Variants in NMU observed in about 807,000 individuals in gnomAD.
The protein encoded by NMU is neuromedin-U.
NMU carries 29 observed loss-of-function variants against 35.4 expected under a neutral mutation model. The ratio of observed to expected loss-of-function variants is 0.82; its 90% CI spans 0.61 to 1.12. The LOEUF is 1.12. NMU is among the 50% of genes most tolerant of loss of function. NMU has a pLI of 0.00. For missense variants in NMU, 199 were observed against 206.2 expected (o/e 0.97, Z 0.21); for synonymous variants, 78 against 81.3 (o/e 0.96, Z 0.22).
At chr4:55,635,752 C>T (rs1356758760) in intron 1 of NMU, among the ~76,000 whole-genome samples, 2 of 152,250 alleles carry the variant, frequency 1.3e-5, no homozygotes, top group East Asian at 3.8e-4. Context: ...TACCCGTTTC[C>T]ACGGGCCGGG....
chr4:55,613,082 T>C (rs745342445), intron 3 of NMU, among the ~76,000 whole-genome samples: 1 of 152,070 alleles, frequency 6.6e-6, no homozygotes, highest in Non-Finnish European at 1.5e-5. Context: ...ACGTTCTCAC[T>C]TATAAGTAGG....
chr4:55,612,656 T>C (rs1733981048), intron 3 of NMU, among the ~76,000 whole-genome samples: 1 of 152,130 alleles, frequency 6.6e-6, no homozygotes, highest in South Asian at 2.1e-4. Flanking sequence ...TAGAAAACAG[T>C]TTCTAAGCTG....
chr4:55,614,769 A>G (rs1213210002), intron 3 of NMU, among the ~76,000 whole-genome samples: 1 of 152,194 alleles, frequency 6.6e-6, no homozygotes, highest in Non-Finnish European at 1.5e-5. Context: ...AAAGAACTAG[A>G]AGTGATTTTG....
At chr4:55,595,922 G>A (rs1283480477) in intron 9 of NMU, among the ~76,000 whole-genome samples, 1 of 151,958 alleles carries the variant, frequency 6.6e-6, no homozygotes. Context: ...TTACAGGGGT[G>A]AGTCACCGTA....
At position 55,605,338 on chromosome 4, in the gene NMU, C is replaced by A; in HGVS notation, c.372G>T (p.Val124=). The A allele has an allele frequency of 6.2e-7, 1 of 1,613,058 alleles. No individual in the cohort carries two copies. The highest frequency in any genetic ancestry group is 1.1e-5 in the South Asian group (1 of 91,066). Residue 124 remains valine, a synonymous_variant, in exon 7 of 10, where the codon GTG becomes GTT. Coordinates refer to ENST00000264218, the MANE Select transcript of NMU (RefSeq NM_006681.4). ...GAGGAACGAGCTGCAGCAACGGATG[C>A]ACAACTGACGACTGAGAGGACATGA... is the stretch of plus-strand genomic sequence containing the variant. ...LGKSNVVSSV[V]HPLLQLVPHL...
chr4:55,601,637 T>C (rs894653076), intron 7 of NMU, among the ~76,000 whole-genome samples: 2 of 151,964 alleles, frequency 1.3e-5, no homozygotes, highest in Non-Finnish European at 2.9e-5. Context: ...AAAGTTTAAG[T>C]TTTCAAAATT....
intron 3 of NMU, among the ~76,000 whole-genome samples, chr4:55,614,507 A>G (rs1734044654): frequency 6.6e-6 from 1 of 152,218 alleles, no homozygotes; most frequent in African/African-American, 2.4e-5. Context: ...TGTATCCTAT[A>G]TAAGAACATC....
chr4:55,633,230 C>T (rs56268402), intron 1 of NMU, among the ~76,000 whole-genome samples: 55,355 of 151,006 alleles, frequency 0.37, 10,285 homozygotes, highest in South Asian at 0.43. Flanking sequence ...GAGGCTGAGG[C>T]AGGAGAATGG....
At chr4:55,607,263 A>ATTTT in intron 6 of NMU, 35 bp downstream of exon 6, 2 of 1,462,096 alleles carry the variant, frequency 1.4e-6, no homozygotes, top group Non-Finnish European at 1.9e-6. Context: ...TTAAACAAAT[A>ATTTT]TTAGTGATTA....
intron 1 of NMU, among the ~76,000 whole-genome samples, chr4:55,632,746 A>G (rs1203675802): frequency 6.6e-6 from 1 of 152,100 alleles, no homozygotes; most frequent in Non-Finnish European, 1.5e-5. Flanking sequence ...ACTTTTGACC[A>G]TCCCCGACCC....
chr4:55,595,623 GTA>G (rs150284330), intron 9 of NMU, among the ~76,000 whole-genome samples: 3,660 of 102,018 alleles, frequency 0.036, 107 homozygotes, highest in African/African-American at 0.062. Flanking sequence ...GTGTGTGTGT[GTA>G]TATATATATA....
chr4:55,595,254 A>C lies in NMU; in HGVS notation c.*162T>G, dbSNP rs1733118410. On this transcript the variant is annotated 3_prime_UTR_variant, in exon 10 of 10. Coordinates refer to ENST00000264218, the MANE Select transcript of NMU (RefSeq NM_006681.4). ...AATATTTTTAGATTTTTTAATTTTC[A>C]ACAAATTGAACATTTACAACATTGT... 6.6e-6 allele frequency: 1 copy of C among 152,556 alleles called. No individual in the cohort carries two copies. The highest frequency in any genetic ancestry group is 1.5e-5 in the Non-Finnish European group (1 of 68,030). The allele number at this position is 152,556 out of a possible 1,614,324, so 9.5% of individuals were successfully genotyped here. A position where few individuals can be genotyped will look rare whatever the true frequency, so the allele number is the denominator to read the frequency against.
At chr4:55,605,630 G>GC (rs1733651699) in intron 6 of NMU, among the ~76,000 whole-genome samples, 2 of 152,308 alleles carry the variant, frequency 1.3e-5, no homozygotes, top group African/African-American at 4.8e-5. Context: ...TGAACTGTCA[G>GC]CAAGTAAAAC....
At chr4:55,634,668 A>C (rs1038395286) in intron 1 of NMU, among the ~76,000 whole-genome samples, 4 of 152,228 alleles carry the variant, frequency 2.6e-5, no homozygotes, top group Non-Finnish European at 4.4e-5. Context: ...AACTATGCTT[A>C]TCAGCATCCT....
At chr4:55,600,886 A>G (rs1733400227) in intron 7 of NMU, among the ~76,000 whole-genome samples, 1 of 152,148 alleles carries the variant, frequency 6.6e-6, no homozygotes, top group Admixed American at 6.5e-5. Context: ...ATAATTGACT[A>G]TATTTAAAAT....
intron 2 of NMU, among the ~76,000 whole-genome samples, chr4:55,618,242 T>G (rs1158722691): frequency 6.6e-6 from 1 of 152,224 alleles, no homozygotes; most frequent in Admixed American, 6.5e-5. Flanking sequence ...GGGAAACATG[T>G]GCAGAACGTG....
At chr4:55,612,615 A>G (rs576817099) in intron 3 of NMU, among the ~76,000 whole-genome samples, 1 of 152,326 alleles carries the variant, frequency 6.6e-6, no homozygotes, top group African/African-American at 2.4e-5. Context: ...AACTCAAAGA[A>G]GAATAAATTC....
At chr4:55,610,605 TGCACCCTTCCTA>T (rs1209201965) in intron 3 of NMU, among the ~76,000 whole-genome samples, 1 of 152,222 alleles carries the variant, frequency 6.6e-6, no homozygotes, top group Non-Finnish European at 1.5e-5. Flanking sequence ...AGTTTTTCTG[TGCACCCTTCCTA>T]GCATCAGAGG....
At chr4:55,632,827 A>G in intron 1 of NMU, among the ~76,000 whole-genome samples, 1 of 152,050 alleles carries the variant, frequency 6.6e-6, no homozygotes, top group East Asian at 1.9e-4. Context: ...AACCATGGAG[A>G]GTTTGCTTCT....
Sources: allele counts gnomAD v4.1 joint callset (sites outside exome capture counted in the v4.1 genomes callset), GRCh38; gene constraint gnomAD v4.1.1; transcripts MANE v1.5; gene names NCBI Gene and HGNC (gene_info 2026-07-23, HGNC 2026-07-21).